Variants in FAM171A1 observed in about 807,000 individuals in gnomAD.
The protein encoded by FAM171A1 is family with sequence similarity 171 member A1, also known as protein FAM171A1.
Under a neutral mutation model 74.9 loss-of-function variants are expected in FAM171A1, and 23 were observed. The ratio of observed to expected loss-of-function variants is 0.31; its 90% CI spans 0.22 to 0.44. The LOEUF (loss-of-function observed/expected upper bound fraction) is 0.44, where lower values mean the gene tolerates loss of function less well. Among genes scored for constraint, FAM171A1 ranks in the 20% least tolerant of loss-of-function variants. The pLI is 1.00. For synonymous variants in FAM171A1, 527 were observed against 505.7 expected (o/e 1.04, Z -0.57); for missense variants, 1,162 against 1,159.2 (o/e 1.00, Z -0.03).
intron 1 of FAM171A1, among the ~76,000 whole-genome samples, chr10:15,305,636 C>T (rs1433669686): frequency 5.4e-5 from 7 of 130,450 alleles, no homozygotes; most frequent in African/African-American, 1.5e-4. Context: ...CACTGTACTC[C>T]AGCCTGGGTG....
intron 5 of FAM171A1, among the ~76,000 whole-genome samples, chr10:15,233,583 A>C (rs1416033841): frequency 6.7e-6 from 1 of 149,720 alleles, no homozygotes; most frequent in Non-Finnish European, 1.5e-5. Context: ...AATAATTTTA[A>C]AGGGGTGATT....
rs150107845 is a variant in FAM171A1 at position 15,218,052 on chromosome 10, G to A, written c.872-1942C>T. Among the ~76,000 whole-genome samples, 4 of 152,118 alleles carry A rather than the reference G, an allele frequency of 2.6e-5. No individual in the cohort carries two copies. The East Asian group carries it at 7.7e-4, about 29-fold the overall frequency. On this transcript the variant is annotated intron_variant, in intron 6 of 7. Transcript: ENST00000378116. ...AAGTATTTCCAAATACTGATGCTTCGTCCTTTAAGTACTCAAAGCATTATT... is the reference window on the plus strand; with the variant it reads ...AAGTATTTCCAAATACTGATGCTTCATCCTTTAAGTACTCAAAGCATTATT...
At chr10:15,276,419 T>A (rs1341950526) in intron 2 of FAM171A1, among the ~76,000 whole-genome samples, 3 of 152,232 alleles carry the variant, frequency 2.0e-5, no homozygotes, top group Admixed American at 6.5e-5. Context: ...GACTTCGTGA[T>A]CCACCTGCCT....
intron 6 of FAM171A1, among the ~76,000 whole-genome samples, chr10:15,216,407 C>T (rs1483318646): frequency 2.0e-5 from 3 of 152,144 alleles, no homozygotes; most frequent in African/African-American, 7.2e-5. Context: ...GTAGCATGTG[C>T]CGCATTTGAA....
chr10:15,215,010 C>G (rs1019337633), intron 7 of FAM171A1, among the ~76,000 whole-genome samples: 1 of 152,102 alleles, frequency 6.6e-6, no homozygotes, highest in East Asian at 1.9e-4. Flanking sequence ...AATCCTCCCC[C>G]TTCAGCCTCC....
chr10:15,229,959 C>T (rs552300958), intron 5 of FAM171A1, among the ~76,000 whole-genome samples: 8 of 126,826 alleles, frequency 6.3e-5, no homozygotes, highest in East Asian at 2.2e-4. Context: ...CACCATCAGG[C>T]GTTTCCAGAT....
chr10:15,212,859 A>G lies in FAM171A1; in HGVS notation c.*56T>C, dbSNP rs1833908580. 1.9e-6 allele frequency: 3 copies of G among 1,597,608 alleles called. No individual in the cohort carries two copies. Among genetic ancestry groups the G allele is most frequent in the East Asian group, 2.2e-5 (1 of 44,826 alleles). ...CCTCCACGAACGGGTACGCGCTTCC[A>G]TGAGAAAGGATATTTGGCAATTTTA... On this transcript the variant is annotated 3_prime_UTR_variant, in exon 8 of 8. Transcript: ENST00000378116.
intron 5 of FAM171A1, among the ~76,000 whole-genome samples, chr10:15,245,050 GC>G (rs200367831): frequency 5.3e-5 from 8 of 151,670 alleles, no homozygotes; most frequent in African/African-American, 1.9e-4. Flanking sequence ...AGTTGACTTT[GC>G]TTTTTTTTTT....
chr10:15,338,882 A>C (rs2131867722), intron 1 of FAM171A1, among the ~76,000 whole-genome samples: 1 of 152,334 alleles, frequency 6.6e-6, no homozygotes, highest in Non-Finnish European at 1.5e-5. Flanking sequence ...CTGGGATCAC[A>C]GGCATGCGCC....
At chr10:15,228,302 G>A (rs1834135544) in intron 5 of FAM171A1, among the ~76,000 whole-genome samples, 1 of 150,348 alleles carries the variant, frequency 6.7e-6, no homozygotes, top group Admixed American at 6.6e-5. Flanking sequence ...TTTTGAGAAA[G>A]AGATTAGCCA....
At position 15,213,997 on chromosome 10, in the gene FAM171A1, G is replaced by A; in HGVS notation, c.1591C>T (p.Leu531=). The A allele has an allele frequency of 1.9e-6, 3 of 1,614,182 alleles. No homozygotes were observed. Among genetic ancestry groups the A allele is most frequent in the Non-Finnish European group, 2.5e-6 (3 of 1,180,022 alleles). ...PAPSSPEKEQ[L]LDRRPTECMM... is the part of the protein sequence containing the mutation. ...CATTCAGTGGGTCTGCGGTCCAGCAGCTGTTCTTTCTCAGGTGATGAAGGC... is the reference window on the plus strand; with the variant it reads ...CATTCAGTGGGTCTGCGGTCCAGCAACTGTTCTTTCTCAGGTGATGAAGGC... Residue 531 remains leucine (L), a synonymous_variant, in exon 8 of 8, where the codon CTG becomes TTG. Transcript: ENST00000378116. This position sits in a 1 kb window ranked among gnomAD's most constrained non-coding sequence, Gnocchi z 6.8.
At chr10:15,346,678 GA>G (rs1835820162) in intron 1 of FAM171A1, among the ~76,000 whole-genome samples, 1 of 152,178 alleles carries the variant, frequency 6.6e-6, no homozygotes, top group Non-Finnish European at 1.5e-5. Flanking sequence ...AGAAGGCGTG[GA>G]AATGAGTGTT....
chr10:15,300,790 C>T (rs1835219090), intron 1 of FAM171A1, among the ~76,000 whole-genome samples: 1 of 152,068 alleles, frequency 6.6e-6, no homozygotes, highest in South Asian at 2.1e-4. Context: ...TCATGGAGCT[C>T]TAGTGAGATC....
intron 2 of FAM171A1, 81 bp downstream of exon 2, chr10:15,283,797 C>T: frequency 7.1e-7 from 1 of 1,400,124 alleles, no homozygotes; most frequent in South Asian, 1.2e-5. Context: ...GTTGCCCAAG[C>T]TGGTTTCAGA....
At position 15,260,436 on chromosome 10, in the gene FAM171A1, T is replaced by G. The variant is rs543153789; in HGVS notation, c.419-5557A>C. On this transcript the variant is annotated intron_variant, in intron 3 of 7. Coordinates refer to ENST00000378116, the MANE Select transcript of FAM171A1 (RefSeq NM_001010924.2). Reference sequence around the variant, plus strand: ...TGAGTGATTTGGGCTTCAGGTTATCTTTAAAATGGGTATGAATCATGCCTG... The same window carrying G: ...TGAGTGATTTGGGCTTCAGGTTATCGTTAAAATGGGTATGAATCATGCCTG... Among the ~76,000 whole-genome samples the G allele has an allele frequency of 7.9e-5, 12 of 152,346 alleles. No homozygotes were observed. The South Asian group carries it at 2.5e-3, about 32-fold the overall frequency.
In FAM171A1 at chr10:15,212,957, C is replaced by T; in HGVS notation, c.2631G>A (p.Gln877=). Reference sequence around the variant, plus strand: ...CCATCAGGGGCCTCTCCTCCCGTTTCTGCCAGGGGCTTTTCTTGTCTTCTC... The same window carrying T: ...CCATCAGGGGCCTCTCCTCCCGTTTTTGCCAGGGGCTTTTCTTGTCTTCTC... ...DQGEDKKSPW[Q]KREERPLMAF... is the part of the protein sequence containing the mutation. The change falls in exon 8 of 8, where the codon CAG becomes CAA. Residue 877 remains glutamine (Q), a synonymous_variant. Transcript: ENST00000378116. 1 of 1,614,178 alleles carries T rather than the reference C, an allele frequency of 6.2e-7. No homozygotes were observed.
chr10:15,313,204 C>T (rs1835384261), intron 1 of FAM171A1, among the ~76,000 whole-genome samples: 1 of 152,210 alleles, frequency 6.6e-6, no homozygotes, highest in African/African-American at 2.4e-5. Context: ...AATTCCTACT[C>T]TGACCCACTG....
At chr10:15,350,451 C>A (rs997688103) in intron 1 of FAM171A1, among the ~76,000 whole-genome samples, 3 of 151,698 alleles carry the variant, frequency 2.0e-5, no homozygotes, top group African/African-American at 7.3e-5. Flanking sequence ...ATGCAATTCT[C>A]CTGCCTCAGC....
chr10:15,346,947 G>A (rs1038244618), intron 1 of FAM171A1, among the ~76,000 whole-genome samples: 4 of 152,138 alleles, frequency 2.6e-5, no homozygotes, highest in Admixed American at 6.5e-5. Context: ...CAGAGGGAGG[G>A]GTAGCTGGCA....
Sources: allele counts gnomAD v4.1 joint callset (sites outside exome capture counted in the v4.1 genomes callset), GRCh38; gene constraint gnomAD v4.1.1; non-coding constraint Gnocchi (gnomAD v3.1); transcripts MANE v1.5; gene names NCBI Gene and HGNC (gene_info 2026-07-23, HGNC 2026-07-21).